ZNF500: variants seen among roughly 807,000 people sequenced by gnomAD.
ZNF500 encodes zinc finger protein 500, also known as zinc finger protein with KRAB and SCAN domains 18.
A neutral mutation model predicts 30.1 loss-of-function variants in ZNF500; 31 were observed. The ratio of observed to expected loss-of-function variants is 1.03; its 90% confidence interval spans 0.77 to 1.39. ZNF500 has a LOEUF of 1.39. ZNF500 is among the 40% of genes most tolerant of loss of function. ZNF500 has a pLI of 0.00. For missense variants in ZNF500, 817 were observed against 657.8 expected, an observed-to-expected ratio of 1.24 and a Z score of -2.65; for synonymous variants, 392 against 282.0, an observed-to-expected ratio of 1.39 and a Z score of -3.91.
At chr16:4,746,500 T>C, downstream of ZNF500, 1 of 1,613,640 alleles carries the variant, frequency 6.2e-7, no homozygotes, top group Non-Finnish European at 8.5e-7. Flanking sequence ...CCAGACCACC[T>C]GTCCCCAGAA....
intron 4 of ZNF500, 35 bp from the exon 5 acceptor site, chr16:4,760,623 A>ACTAAGGCCCTCCCTG (rs2082188061): frequency 6.3e-7 from 1 of 1,592,658 alleles, no homozygotes; most frequent in Non-Finnish European, 8.6e-7. Flanking sequence ...CCTGGCCCCA[A>ACTAAGGCCCTCCCTG]GCAAGCTGCC....
rs1422068711 is a variant in ZNF500 at position 4,748,352 on chromosome 16, T to C, written c.*4024A>G. 6.6e-6 allele frequency: 1 copy of C among 152,054 alleles called. No individual in the cohort carries two copies. The highest frequency in any genetic ancestry group is 1.5e-5 in the Non-Finnish European group (1 of 68,002). 9.4% of individuals were successfully genotyped at this position (152,054 alleles called of 1,614,324 possible). A position where few individuals can be genotyped will look rare whatever the true frequency, so the allele number is the denominator to read the frequency against. On this transcript the variant is annotated 3_prime_UTR_variant, in exon 6 of 6. Coordinates refer to ENST00000219478, the MANE Select transcript of ZNF500 (RefSeq NM_021646.4). ...AGCACTGTGAGCTGCCAGCCTGGCT[T>C]TTAATGAACTTTTTGAAAGAGGAGT... is the stretch of plus-strand genomic sequence containing the variant.
At chr16:4,753,381 G>A (rs546326218) in intron 5 of ZNF500, among the ~76,000 whole-genome samples, 2 of 152,246 alleles carry the variant, frequency 1.3e-5, no homozygotes, top group African/African-American at 4.8e-5. Flanking sequence ...AGGATCACTT[G>A]AGTCTAGGAG....
Position 4,766,673 on chromosome 16 carries a change from A to T in ZNF500, c.-99+344T>A, listed in dbSNP as rs142870245. Among the ~76,000 whole-genome samples the T allele has an allele frequency of 4.1e-4, 62 of 152,288 alleles. No homozygotes were observed. In the East Asian group the frequency reaches 0.011, roughly 28 times the overall value. ...CAGAGCTCGAGAATCGTTATTTTCCATGATTAGAGTGGGTCCTATATGGAA... is the reference window on the plus strand; with the variant it reads ...CAGAGCTCGAGAATCGTTATTTTCCTTGATTAGAGTGGGTCCTATATGGAA... On this transcript the variant is annotated intron_variant, in intron 1 of 5. Transcript: ENST00000219478.
At chr16:4,761,966 C>A (rs947065710) in intron 4 of ZNF500, among the ~76,000 whole-genome samples, 1 of 152,198 alleles carries the variant, frequency 6.6e-6, no homozygotes. Flanking sequence ...GTGTTTTCCC[C>A]CAGAGTCCCA....
Position 4,762,585 on chromosome 16 carries a change from A to T in ZNF500, c.586T>A (p.Trp196Arg). 1 of 1,612,892 alleles carries T rather than the reference A, an allele frequency of 6.2e-7. No homozygotes were observed. The highest frequency in any genetic ancestry group is 8.5e-7 in the Non-Finnish European group (1 of 1,179,476). The change falls in exon 3 of 6, where the codon TGG becomes AGG. Residue 196 changes from tryptophan to arginine, a missense_variant. Trp to Arg is a moderately radical substitution (Grantham distance 101). Coordinates refer to ENST00000219478, the MANE Select transcript of ZNF500 (RefSeq NM_021646.4). ...SHRPQRGPLLWPERGPPAPRH... is the reference protein window; with the variant it reads ...SHRPQRGPLLRPERGPPAPRH... ...GGGTGCTACTCACCTCTCTCTGGCCACAACAGCGGGCCCCTCTGTGGCCTG... is the reference window on the plus strand; with the variant it reads ...GGGTGCTACTCACCTCTCTCTGGCCTCAACAGCGGGCCCCTCTGTGGCCTG...
At chr16:4,747,369 T>A (rs765123928), downstream of ZNF500, 22 of 1,593,078 alleles carry the variant, frequency 1.4e-5, no homozygotes, top group Non-Finnish European at 1.9e-5. Context: ...AGCCAGCTTC[T>A]CCAGCAGCTC....
At chr16:4,756,540 T>A (rs1229084913) in intron 5 of ZNF500, 1 of 151,448 alleles carries the variant, frequency 6.6e-6, no homozygotes, top group African/African-American at 2.4e-5. Flanking sequence ...TCCATCTCTA[T>A]CAAAAAATTT....
chr16:4,762,681 G>T lies in ZNF500; in HGVS notation c.490C>A (p.Gln164Lys). Residue 164 changes from glutamine to lysine, a missense_variant, in exon 3 of 6, where the codon CAG becomes AAG. Coordinates refer to ENST00000219478, the MANE Select transcript of ZNF500 (RefSeq NM_021646.4). ...GQFLKHQAEA[Q>K]PEDLSLEEEA... is the part of the protein sequence containing the mutation. ...TCCTCCAGGGACAGATCCTCTGGCT[G>T]AGCCTCTGCCTGGTGTTTTAAGAAC... 6.2e-7 allele frequency: 1 copy of T among 1,614,080 alleles called. No homozygotes were observed. Among genetic ancestry groups the T allele is most frequent in the Non-Finnish European group, 8.5e-7 (1 of 1,179,990 alleles).
chr16:4,760,234 G>A (rs951387853), intron 5 of ZNF500, among the ~76,000 whole-genome samples: 3 of 152,186 alleles, frequency 2.0e-5, no homozygotes, highest in African/African-American at 4.8e-5. Flanking sequence ...GCACAGGGAA[G>A]CTGAAGTGAA....
At chr16:4,759,037 C>G (rs896545161) in intron 5 of ZNF500, among the ~76,000 whole-genome samples, 1 of 151,938 alleles carries the variant, frequency 6.6e-6, no homozygotes, top group Non-Finnish European at 1.5e-5. Context: ...TGGCAAAACC[C>G]AGCTCTACTA....
At position 4,750,054 on chromosome 16, in the gene ZNF500, A is replaced by T. The variant is rs745518478; in HGVS notation, c.*2322T>A. 6.6e-6 allele frequency: 1 copy of T among 152,544 alleles called. No individual in the cohort carries two copies. Among genetic ancestry groups the T allele is most frequent in the Admixed American group, 6.5e-5 (1 of 15,274 alleles). The allele number at this position is 152,544 out of a possible 1,614,324, so 9.4% of individuals were successfully genotyped here. A position where few individuals can be genotyped will look rare whatever the true frequency, so the allele number is the denominator to read the frequency against. On this transcript the variant is annotated 3_prime_UTR_variant, in exon 6 of 6. Transcript: ENST00000219478. Reference sequence around the variant, plus strand: ...GGGGGAGGGAAGTGGGCAGACCCCAACCACACTCCCCCAGAGGCCGCCACC... The same window carrying T: ...GGGGGAGGGAAGTGGGCAGACCCCATCCACACTCCCCCAGAGGCCGCCACC...
downstream of ZNF500, chr16:4,746,296 T>C (rs2082016793): frequency 6.9e-7 from 1 of 1,451,024 alleles, no homozygotes; most frequent in Non-Finnish European, 9.4e-7. Context: ...CCACGAGCAC[T>C]GTGACTGGAC....
downstream of ZNF500, chr16:4,747,752 T>C (rs2082036791): frequency 5.5e-6 from 7 of 1,274,294 alleles, no homozygotes; most frequent in Non-Finnish European, 6.4e-6. Flanking sequence ...GCAGGGACCC[T>C]CAGACTTTGG....
At chr16:4,760,813 A>C (rs563106488) in intron 4 of ZNF500, among the ~76,000 whole-genome samples, 5 of 152,212 alleles carry the variant, frequency 3.3e-5, no homozygotes, top group African/African-American at 1.2e-4. Context: ...CGGAGAAGGG[A>C]CAGATTCGCC....
chr16:4,746,284 A>G (rs143602565), downstream of ZNF500: 14 of 1,379,608 alleles, frequency 1.0e-5, no homozygotes, highest in Non-Finnish European at 1.4e-5. Context: ...ACTGGGTGGC[A>G]GCCACGAGCA....
At chr16:4,764,183 C>T (rs567244139) in intron 2 of ZNF500, 156 of 718,162 alleles carry the variant, frequency 2.2e-4, no homozygotes, top group Non-Finnish European at 2.5e-4. Flanking sequence ...CCATGTGTGA[C>T]GACTGAGCCC....
downstream of ZNF500, among the ~76,000 whole-genome samples, chr16:4,748,056 C>T (rs2082040240): frequency 6.6e-6 from 1 of 151,992 alleles, no homozygotes; most frequent in South Asian, 2.1e-4. Flanking sequence ...TTGAAAGAGA[C>T]CTAAGCCTTA....
rs1290288884 is a variant in ZNF500 at position 4,765,684 on chromosome 16, G to A, written c.295C>T (p.Leu99=). The change falls in exon 2 of 6, where the codon CTG becomes TTG. Residue 99 remains leucine, a synonymous_variant. Coordinates refer to ENST00000219478, the MANE Select transcript of ZNF500 (RefSeq NM_021646.4). The part of the protein sequence containing the change: ...ILELLVLEQF[L]TVLPGEIQAR... Reference sequence around the variant, plus strand: ...TGGATCTCCCCCGGCAGCACAGTCAGGAACTGCTCCAGCACCAGCAGCTCC... The same window carrying A: ...TGGATCTCCCCCGGCAGCACAGTCAAGAACTGCTCCAGCACCAGCAGCTCC... 1.2e-6 allele frequency: 2 copies of A among 1,613,534 alleles called. No individual in the cohort carries two copies. Among genetic ancestry groups the A allele is most frequent in the Admixed American group, 3.3e-5 (2 of 60,010 alleles).
Sources: gnomAD v4.1 joint callset for allele counts (sites outside exome capture counted in the v4.1 genomes callset) on GRCh38, gnomAD v4.1.1 for gene constraint, MANE v1.5 for transcripts, NCBI Gene and HGNC (gene_info 2026-07-23, HGNC 2026-07-21) for gene names.